Variants in FCHO2 observed in about 807,000 individuals in gnomAD.
FCHO2 encodes F-BAR domain only protein 2.
Under a neutral mutation model 114.1 loss-of-function variants are expected in FCHO2, and 43 were observed. The ratio of observed to expected loss-of-function variants is 0.38; its 90% CI spans 0.30 to 0.49. FCHO2 has a LOEUF of 0.49. Ranked by LOEUF, FCHO2 falls within the 20% of genes least tolerant of loss-of-function variation. The pLI is 0.97. For missense variants in FCHO2, 807 were observed against 950.4 expected (o/e 0.85, Z 1.98); for synonymous variants, 293 against 315.2 (o/e 0.93, Z 0.75).
At chr5:73,019,176 A>G (rs1164163115) in intron 8 of FCHO2, among the ~76,000 whole-genome samples, 1 of 152,214 alleles carries the variant, frequency 6.6e-6, no homozygotes, top group Non-Finnish European at 1.5e-5. Context: ...TAATGATACA[A>G]TAGTCAATGC....
chr5:73,084,843 C>G (rs1743240918), intron 24 of FCHO2, among the ~76,000 whole-genome samples: 1 of 152,180 alleles, frequency 6.6e-6, no homozygotes, highest in Non-Finnish European at 1.5e-5. Context: ...TGCCCACTTT[C>G]AGCTGGCCAA....
Position 72,988,161 on chromosome 5 carries a change from C to T in FCHO2, c.126-1266C>T, listed in dbSNP as rs182453357. ...GTAGTGTTAAGAAGGCCAAACAGGC[C>T]GGGCGCAGTGGCTCATGCCTGTAAT... On this transcript the variant is annotated intron_variant, in intron 2 of 25. Transcript: ENST00000430046. Among the ~76,000 whole-genome samples, 34 of 152,224 alleles carry T rather than the reference C, an allele frequency of 2.2e-4. No homozygotes were observed. The East Asian group carries it at 2.9e-3, about 13-fold the overall frequency.
At chr5:73,076,206 T>A (rs564044610) in intron 20 of FCHO2, among the ~76,000 whole-genome samples, 1 of 152,224 alleles carries the variant, frequency 6.6e-6, no homozygotes, top group South Asian at 2.1e-4. Flanking sequence ...AAATTGACCA[T>A]TGACAATAAT....
chr5:72,979,175 C>G (rs1176656897), intron 2 of FCHO2, among the ~76,000 whole-genome samples: 1 of 151,988 alleles, frequency 6.6e-6, no homozygotes, highest in Non-Finnish European at 1.5e-5. Flanking sequence ...GGAATAGTTT[C>G]AGAATGAATG....
intron 2 of FCHO2, among the ~76,000 whole-genome samples, chr5:72,978,814 G>A (rs1033850286): frequency 6.6e-6 from 1 of 152,140 alleles, no homozygotes; most frequent in East Asian, 1.9e-4. Flanking sequence ...CGTTTTTTGC[G>A]TGAAGTGGTG....
intron 23 of FCHO2, among the ~76,000 whole-genome samples, chr5:73,082,286 A>T (rs1743123437): frequency 6.6e-6 from 1 of 151,610 alleles, no homozygotes; most frequent in African/African-American, 2.4e-5. Flanking sequence ...CATTTAAAAA[A>T]TACAAATATT....
At chr5:72,997,781 C>G in intron 5 of FCHO2, 1 of 1,295,918 alleles carries the variant, frequency 7.7e-7, no homozygotes, top group Non-Finnish European at 1.0e-6. Flanking sequence ...GCCCTGGAAG[C>G]CCTACACTCC....
chr5:73,050,809 T>C (rs1464798474), intron 11 of FCHO2, among the ~76,000 whole-genome samples: 1 of 152,198 alleles, frequency 6.6e-6, no homozygotes, highest in Non-Finnish European at 1.5e-5. Flanking sequence ...TTGTCAGGGC[T>C]GCCTCTCTCA....
chr5:73,056,650 C>T (rs1757610450), intron 16 of FCHO2, among the ~76,000 whole-genome samples: 1 of 152,062 alleles, frequency 6.6e-6, no homozygotes, highest in Non-Finnish European at 1.5e-5. Context: ...TCTATTTAAC[C>T]ACAGTTGGCC....
At chr5:73,036,154 T>C (rs1010260444) in intron 9 of FCHO2, among the ~76,000 whole-genome samples, 2 of 152,090 alleles carry the variant, frequency 1.3e-5, no homozygotes, top group African/African-American at 4.8e-5. Context: ...CCTTAAGTGC[T>C]GAATTCTATC....
intron 17 of FCHO2, among the ~76,000 whole-genome samples, chr5:73,062,184 A>G (rs542441410): frequency 1.1e-3 from 175 of 152,244 alleles, no homozygotes; most frequent in African/African-American, 4.0e-3. Flanking sequence ...AAAGTAAACA[A>G]TTGCAGTTAT....
intron 5 of FCHO2, among the ~76,000 whole-genome samples, chr5:72,998,572 G>C (rs1754256607): frequency 6.6e-6 from 1 of 151,818 alleles, no homozygotes; most frequent in African/African-American, 2.4e-5. Flanking sequence ...GAATTGGTAT[G>C]GGTTTCATAT....
At chr5:73,050,322 T>G (rs1420125680) in intron 11 of FCHO2, among the ~76,000 whole-genome samples, 1 of 151,256 alleles carries the variant, frequency 6.6e-6, no homozygotes, top group East Asian at 1.9e-4. Context: ...ATTTATTTAT[T>G]TATTTATTTA....
intron 18 of FCHO2, among the ~76,000 whole-genome samples, chr5:73,066,472 C>T (rs1038930942): frequency 6.6e-6 from 1 of 151,416 alleles, no homozygotes; most frequent in African/African-American, 2.4e-5. Flanking sequence ...ATGAACTAAA[C>T]TGTATGTACA....
At chr5:73,008,631 A>G (rs1011886910) in intron 6 of FCHO2, among the ~76,000 whole-genome samples, 4 of 152,184 alleles carry the variant, frequency 2.6e-5, no homozygotes, top group African/African-American at 9.7e-5. Context: ...TGGGCTGGAC[A>G]TAATGTCCAC....
rs778647518 is a variant in FCHO2, at chr5:73,017,288, G to A, written c.776G>A (p.Gly259Asp). 1.9e-6 allele frequency: 3 copies of A among 1,562,932 alleles called. No individual in the cohort carries two copies. Among genetic ancestry groups the A allele is most frequent in the South Asian group, 1.2e-5 (1 of 83,902 alleles). The change falls in exon 8 of 26, where the codon GGC becomes GAC. Residue 259 changes from glycine to aspartate, a missense_variant. Coordinates refer to ENST00000430046, the MANE Select transcript of FCHO2 (RefSeq NM_138782.3). ...ATACAAAAATTTGCTGAGTCAAAAG[G>A]CACTGGGAAGGAAAGACCTGGTAAG... Reference protein sequence around the residue: ...SLIQKFAESKGTGKERPGLIE... With the variant: ...SLIQKFAESKDTGKERPGLIE...
At chr5:72,986,336 A>T (rs1753520403) in intron 2 of FCHO2, among the ~76,000 whole-genome samples, 1 of 151,962 alleles carries the variant, frequency 6.6e-6, no homozygotes, top group South Asian at 2.1e-4. Flanking sequence ...TCTTTACTTG[A>T]AGGGCGTGGG....
At chr5:72,998,221 C>T (rs2112690581) in intron 5 of FCHO2, among the ~76,000 whole-genome samples, 1 of 152,208 alleles carries the variant, frequency 6.6e-6, no homozygotes, top group African/African-American at 2.4e-5. Context: ...GGCGCGGTGG[C>T]TCACACCTGT....
intron 1 of FCHO2, among the ~76,000 whole-genome samples, chr5:72,957,006 G>T (rs1166564349): frequency 6.6e-6 from 1 of 151,920 alleles, no homozygotes; most frequent in East Asian, 1.9e-4. Context: ...TGCAAGTACT[G>T]CAGGTCCATT....
Sources: allele counts gnomAD v4.1 joint callset (sites outside exome capture counted in the v4.1 genomes callset), GRCh38; gene constraint gnomAD v4.1.1; transcripts MANE v1.5; gene names NCBI Gene and HGNC (gene_info 2026-07-23, HGNC 2026-07-21).